The following TAX1BP1 variants were observed in gnomAD, a reference collection of about 807,000 sequenced individuals.
The protein encoded by TAX1BP1 is tax1-binding protein 1.
TAX1BP1 carries 62 observed loss-of-function variants against 97.7 expected under a neutral mutation model. The observed-to-expected ratio is 0.63, with a 90% CI of 0.52 to 0.78. The LOEUF (loss-of-function observed/expected upper bound fraction) is 0.78. TAX1BP1 is among the 30% of genes least tolerant of loss of function. The pLI is 0.00. For missense variants in TAX1BP1, 867 were observed against 916.1 expected (o/e 0.95, Z 0.69); for synonymous variants, 340 against 304.2 (o/e 1.12, Z -1.23).
intron 13 of TAX1BP1, among the ~76,000 whole-genome samples, chr7:27,803,641 T>C (rs1273298741): frequency 6.6e-6 from 1 of 152,200 alleles, no homozygotes; most frequent in Non-Finnish European, 1.5e-5. Context: ...CAAACTGCAT[T>C]AGTAGTTATT....
chr7:27,796,216 G>C lies in TAX1BP1; in HGVS notation c.1635G>C (p.Leu545Phe). 6.3e-7 allele frequency: 1 copy of C among 1,575,552 alleles called. No individual in the cohort carries two copies. Among genetic ancestry groups the C allele is most frequent in the Non-Finnish European group, 8.6e-7 (1 of 1,167,078 alleles). Reference protein sequence around the residue: ...TEKYNKCKQLLQDEKAKCNKY... With the variant: ...TEKYNKCKQLFQDEKAKCNKY... Reference sequence around the variant, plus strand: ...AGTATAATAAATGTAAACAACTCTTGCAGGTAAGTTAACTACCTTGTAAGT... The same window carrying C: ...AGTATAATAAATGTAAACAACTCTTCCAGGTAAGTTAACTACCTTGTAAGT... The change falls in exon 12 of 17, where the codon TTG (leucine) becomes TTC (phenylalanine). Residue 545 changes from leucine (L) to phenylalanine (F), a missense_variant. Physicochemically the swap from Leu to Phe is conservative, Grantham distance 22. Coordinates refer to ENST00000396319, the MANE Select transcript of TAX1BP1 (RefSeq NM_006024.7).
intron 1 of TAX1BP1, 66 bp from the exon 2 acceptor site, chr7:27,748,452 A>AT: frequency 8.9e-7 from 1 of 1,123,906 alleles, no homozygotes; most frequent in Non-Finnish European, 1.2e-6. Context: ...AATATTATGT[A>AT]TTTTCTGAAG....
intron 3 of TAX1BP1, 126 bp from the exon 4 acceptor site, chr7:27,765,708 A>G (rs1399463695): frequency 1.7e-5 from 14 of 811,866 alleles, no homozygotes; most frequent in Non-Finnish European, 3.8e-6. Flanking sequence ...GAAAGGAGGA[A>G]GGACATATCC....
chr7:27,800,965 G>A (rs1203221641), intron 13 of TAX1BP1, among the ~76,000 whole-genome samples: 2 of 151,962 alleles, frequency 1.3e-5, no homozygotes, highest in African/African-American at 4.8e-5. Context: ...TTAGCCAGGC[G>A]TGGTGGTGGG....
chr7:27,750,464 A>G (rs1787980856), intron 2 of TAX1BP1, among the ~76,000 whole-genome samples: 1 of 152,198 alleles, frequency 6.6e-6, no homozygotes, highest in African/African-American at 2.4e-5. Context: ...GGGATACTGA[A>G]TCTGTATAAG....
chr7:27,742,857 A>T (rs1787674500), intron 1 of TAX1BP1, among the ~76,000 whole-genome samples: 1 of 152,248 alleles, frequency 6.6e-6, no homozygotes, highest in Non-Finnish European at 1.5e-5. Context: ...CCATAACAAA[A>T]GTAAAATTTT....
At chr7:27,759,803 A>G (rs1484944381) in intron 3 of TAX1BP1, among the ~76,000 whole-genome samples, 1 of 151,440 alleles carries the variant, frequency 6.6e-6, no homozygotes, top group Non-Finnish European at 1.5e-5. Context: ...AATAAAGTTT[A>G]TTGTCTCACA....
At chr7:27,799,093 T>G (rs907211046) in intron 12 of TAX1BP1, among the ~76,000 whole-genome samples, 2 of 152,192 alleles carry the variant, frequency 1.3e-5, no homozygotes, top group Non-Finnish European at 2.9e-5. Flanking sequence ...TCCAAGGAGA[T>G]AAAGATTTTC....
intron 12 of TAX1BP1, among the ~76,000 whole-genome samples, chr7:27,797,545 C>A (rs1283328855): frequency 6.6e-6 from 1 of 151,844 alleles, no homozygotes; most frequent in Non-Finnish European, 1.5e-5. Flanking sequence ...AAAATTTACA[C>A]ATTAGCTTCA....
upstream of TAX1BP1, chr7:27,740,058 G>C (rs1228804945): frequency 6.6e-6 from 1 of 152,356 alleles, no homozygotes; most frequent in Non-Finnish European, 1.5e-5. Flanking sequence ...CTGGGGGCGT[G>C]TCGTCGCGGA....
chr7:27,788,631 C>T (rs1216950977), intron 8 of TAX1BP1, among the ~76,000 whole-genome samples: 1 of 151,982 alleles, frequency 6.6e-6, no homozygotes, highest in African/African-American at 2.4e-5. Flanking sequence ...GCATATTATG[C>T]ATAATCATCA....
chr7:27,799,144 A>G (rs979952446), intron 12 of TAX1BP1, among the ~76,000 whole-genome samples: 4 of 152,108 alleles, frequency 2.6e-5, no homozygotes, highest in African/African-American at 7.2e-5. Flanking sequence ...CAGCTTTTCT[A>G]TTTAGGTCTG....
intron 1 of TAX1BP1, among the ~76,000 whole-genome samples, chr7:27,745,865 C>T (rs566974709): frequency 1.1e-3 from 164 of 152,010 alleles, no homozygotes; most frequent in African/African-American, 3.8e-3. Context: ...TCTTTTTACA[C>T]ACATCCCTTA....
chr7:27,740,858 T>A (rs959546012), intron 1 of TAX1BP1, among the ~76,000 whole-genome samples: 2 of 152,184 alleles, frequency 1.3e-5, no homozygotes, highest in Non-Finnish European at 2.9e-5. Flanking sequence ...TTCTGGCTGA[T>A]GGCCTGCTTC....
At chr7:27,778,835 C>T (rs1208514189) in intron 5 of TAX1BP1, among the ~76,000 whole-genome samples, 2 of 150,462 alleles carry the variant, frequency 1.3e-5, no homozygotes, top group African/African-American at 4.9e-5. Context: ...GCACTTCAGC[C>T]TGGCAACAGA....
intron 12 of TAX1BP1, among the ~76,000 whole-genome samples, chr7:27,798,240 G>T (rs1790007658): frequency 6.6e-6 from 1 of 151,390 alleles, no homozygotes; most frequent in Admixed American, 6.6e-5. Context: ...TTGTTTTTCG[G>T]CTGGTACAAA....
intron 13 of TAX1BP1, among the ~76,000 whole-genome samples, chr7:27,800,713 C>T (rs1350603157): frequency 1.3e-5 from 2 of 152,044 alleles, no homozygotes; most frequent in Non-Finnish European, 2.9e-5. Context: ...AAATGAAATA[C>T]TGTAAAAGCA....
At chr7:27,747,085 T>G (rs1379965506) in intron 1 of TAX1BP1, among the ~76,000 whole-genome samples, 3 of 152,212 alleles carry the variant, frequency 2.0e-5, no homozygotes, top group Non-Finnish European at 4.4e-5. Context: ...ATTTGTGAAG[T>G]AAATTAGATT....
At chr7:27,750,213 GA>G (rs1369413697) in intron 2 of TAX1BP1, among the ~76,000 whole-genome samples, 4 of 152,190 alleles carry the variant, frequency 2.6e-5, no homozygotes, top group Non-Finnish European at 5.9e-5. Flanking sequence ...TGAGGAAAAA[GA>G]AGGGCATTTC....
Sources: allele counts gnomAD v4.1 joint callset (sites outside exome capture counted in the v4.1 genomes callset), GRCh38; gene constraint gnomAD v4.1.1; transcripts MANE v1.5; gene names NCBI Gene and HGNC (gene_info 2026-07-23, HGNC 2026-07-21).